The following CNBD1 variants were observed in gnomAD, a reference collection of about 807,000 sequenced individuals.
The protein encoded by CNBD1 is cyclic nucleotide-binding domain-containing protein 1.
In CNBD1, 71 loss-of-function variants were observed where a neutral mutation model predicts 54.4. The observed-to-expected ratio is 1.30, with a 90% CI of 1.08 to 1.59. CNBD1 has a LOEUF of 1.59. Among genes scored for constraint, CNBD1 ranks in the 40% most tolerant of loss-of-function variants. The pLI is 0.00. For synonymous variants in CNBD1, 182 were observed against 170.7 expected (o/e 1.07, Z -0.51); for missense variants, 659 against 518.0 (o/e 1.27, Z -2.64).
At chr8:87,337,921 C>T (rs950245079) in intron 8 of CNBD1, among the ~76,000 whole-genome samples, 1 of 152,156 alleles carries the variant, frequency 6.6e-6, no homozygotes, top group Non-Finnish European at 1.5e-5. Context: ...ATCTTGACCC[C>T]ACCCACCAAT....
intron 4 of CNBD1, among the ~76,000 whole-genome samples, chr8:87,170,385 C>A (rs1236079375): frequency 1.3e-5 from 2 of 152,072 alleles, no homozygotes; most frequent in African/African-American, 2.4e-5. Flanking sequence ...TGACTTCTTC[C>A]TTTTCAATTT....
chr8:87,307,353 G>A (rs1024139895), intron 8 of CNBD1, among the ~76,000 whole-genome samples: 3 of 152,184 alleles, frequency 2.0e-5, no homozygotes, highest in African/African-American at 7.2e-5. Context: ...TGGGACATAG[G>A]CATGGGTCAT....
At chr8:87,401,995 T>C (rs557418806) in intron 2 of CNBD1, among the ~76,000 whole-genome samples, 1 of 151,966 alleles carries the variant, frequency 6.6e-6, no homozygotes, top group Admixed American at 6.6e-5. Flanking sequence ...TATGAAGAAA[T>C]ATCCAAGACC....
chr8:87,367,007 C>T (rs1022048323), intron 10 of CNBD1, among the ~76,000 whole-genome samples: 2 of 151,950 alleles, frequency 1.3e-5, no homozygotes, highest in Non-Finnish European at 2.9e-5. Context: ...ATTTTCCTCC[C>T]TGGGAATCCA....
intron 10 of CNBD1, among the ~76,000 whole-genome samples, chr8:87,379,344 T>C (rs1811024681): frequency 6.6e-6 from 1 of 151,762 alleles, no homozygotes; most frequent in Non-Finnish European, 1.5e-5. Flanking sequence ...TCAACAAGGA[T>C]ACCCAGGAAT....
intron 4 of CNBD1, among the ~76,000 whole-genome samples, chr8:87,201,439 ATC>A (rs1396236093): frequency 6.6e-6 from 1 of 152,176 alleles, no homozygotes; most frequent in African/African-American, 2.4e-5. Flanking sequence ...AACTAAAACT[ATC>A]TCTGTTTGCA....
chr8:87,253,974 G>C (rs1247011684), intron 6 of CNBD1, among the ~76,000 whole-genome samples: 1 of 152,192 alleles, frequency 6.6e-6, no homozygotes, highest in Non-Finnish European at 1.5e-5. Flanking sequence ...AGAGGATAAA[G>C]ATCTCTAAAT....
chr8:87,271,429 T>C (rs1395851667), intron 6 of CNBD1, among the ~76,000 whole-genome samples: 1 of 151,998 alleles, frequency 6.6e-6, no homozygotes, highest in African/African-American at 2.4e-5. Flanking sequence ...ATCCCACAGA[T>C]GTTAATATGT....
chr8:87,079,263 T>C (rs1810938985), intron 4 of CNBD1, among the ~76,000 whole-genome samples: 1 of 152,144 alleles, frequency 6.6e-6, no homozygotes, highest in Non-Finnish European at 1.5e-5. Flanking sequence ...GCATTTGGGT[T>C]GATTTCAATT....
chr8:87,246,858 A>G (rs920205426), intron 6 of CNBD1, among the ~76,000 whole-genome samples: 3 of 152,072 alleles, frequency 2.0e-5, no homozygotes, highest in Admixed American at 6.6e-5. Flanking sequence ...TTCTATTATT[A>G]TTATATTGTA....
chr8:87,141,656 G>A (rs1812372571), intron 4 of CNBD1, among the ~76,000 whole-genome samples: 2 of 151,998 alleles, frequency 1.3e-5, no homozygotes, highest in Admixed American at 6.6e-5. Flanking sequence ...ACTCCAAAGG[G>A]TGAAGATATA....
At chr8:87,062,685 C>T (rs900481071) in intron 4 of CNBD1, among the ~76,000 whole-genome samples, 1 of 151,698 alleles carries the variant, frequency 6.6e-6, no homozygotes, top group Non-Finnish European at 1.5e-5. Context: ...TTGCGGTGAG[C>T]CAAGATCACC....
intron 4 of CNBD1, among the ~76,000 whole-genome samples, chr8:87,198,711 C>A (rs1408616972): frequency 1.3e-5 from 2 of 152,108 alleles, no homozygotes; most frequent in Non-Finnish European, 2.9e-5. Flanking sequence ...TATTAGATGA[C>A]AAGTGAGATA....
intron 4 of CNBD1, among the ~76,000 whole-genome samples, chr8:87,136,562 T>A (rs1812232004): frequency 9.8e-6 from 1 of 101,792 alleles, no homozygotes; most frequent in Non-Finnish European, 1.8e-5. Flanking sequence ...ATATAAATTA[T>A]ATATTATATT....
chr8:87,317,173 C>G (rs1299257549), intron 8 of CNBD1, among the ~76,000 whole-genome samples: 1 of 151,570 alleles, frequency 6.6e-6, no homozygotes, highest in African/African-American at 2.4e-5. Flanking sequence ...TTAATTTTCT[C>G]CATTGATTTT....
chr8:87,386,204 A>T (rs1303004987), downstream of CNBD1, among the ~76,000 whole-genome samples: 1 of 152,104 alleles, frequency 6.6e-6, no homozygotes, highest in Non-Finnish European at 1.5e-5. Flanking sequence ...AAATCAGAGC[A>T]CCTCTCCTCC....
At chr8:87,220,203 T>C (rs1332858133) in intron 5 of CNBD1, among the ~76,000 whole-genome samples, 2 of 152,062 alleles carry the variant, frequency 1.3e-5, no homozygotes, top group Non-Finnish European at 2.9e-5. Context: ...ATTCACTTAA[T>C]GCTATGAATA....
intron 4 of CNBD1, among the ~76,000 whole-genome samples, chr8:86,958,516 A>G (rs1450603535): frequency 1.3e-5 from 2 of 152,156 alleles, no homozygotes; most frequent in Admixed American, 6.5e-5. Flanking sequence ...GTGCTCCTGT[A>G]TTGGGTGCAT....
chr8:87,292,318 G>A (rs1808802989), intron 8 of CNBD1, among the ~76,000 whole-genome samples: 1 of 152,164 alleles, frequency 6.6e-6, no homozygotes, highest in Non-Finnish European at 1.5e-5. Flanking sequence ...GAAAACATTA[G>A]CACGGCATTA....
Sources: gnomAD v4.1 joint callset for allele counts (sites outside exome capture counted in the v4.1 genomes callset) on GRCh38, gnomAD v4.1.1 for gene constraint, MANE v1.5 for transcripts, NCBI Gene and HGNC (gene_info 2026-07-23, HGNC 2026-07-21) for gene names.